EFCC1: variants seen among roughly 807,000 people sequenced by gnomAD.
EFCC1 encodes the protein EF-hand and coiled-coil domain-containing protein 1.
EFCC1 carries 50 observed loss-of-function variants against 52.1 expected under a neutral mutation model. The ratio of observed to expected loss-of-function variants is 0.96; its 90% confidence interval spans 0.76 to 1.21. EFCC1 has a LOEUF of 1.21. Ranked by LOEUF, EFCC1 falls within the 50% of genes most tolerant of loss-of-function variation. The pLI, the probability that EFCC1 is intolerant of heterozygous loss-of-function variation, is 0.00. For missense variants in EFCC1, 837 were observed against 867.3 expected, an observed-to-expected ratio of 0.97 and a Z score of 0.44; for synonymous variants, 399 against 396.5, an observed-to-expected ratio of 1.01 and a Z score of -0.08.
chr3:129,008,598 C>T (rs759176533), intron 2 of EFCC1, among the ~76,000 whole-genome samples: 1 of 152,078 alleles, frequency 6.6e-6, no homozygotes, highest in African/African-American at 2.4e-5. Flanking sequence ...GTGGACCAAT[C>T]CCCGTGCCAC....
chr3:129,033,437 C>A (rs534035577), intron 4 of EFCC1, among the ~76,000 whole-genome samples: 2 of 152,314 alleles, frequency 1.3e-5, no homozygotes, highest in East Asian at 3.9e-4. Context: ...GAACCTCAGT[C>A]TTCTTGTCTC....
rs1250042119 is a variant in EFCC1, at chr3:129,001,648, G to T, written c.20G>T (p.Gly7Val). 7.2e-7 allele frequency: 1 copy of T among 1,391,774 alleles called. No individual in the cohort carries two copies. The highest frequency in any genetic ancestry group is 9.3e-7 in the Non-Finnish European group (1 of 1,076,750). 86.2% of individuals were successfully genotyped at this position (1,391,774 alleles called of 1,614,324 possible). Residue 7 changes from glycine to valine, a missense_variant, in exon 1 of 8, where the codon GGC becomes GTC. Coordinates refer to ENST00000683648, the MANE Select transcript of EFCC1 (RefSeq NM_001377500.1). MEPVST[G>V]AEAGMEGAGG... ...GCAGCGATGGAGCCGGTCAGCACGGGCGCGGAGGCCGGCATGGAGGGCGCG... is the reference window on the plus strand; with the variant it reads ...GCAGCGATGGAGCCGGTCAGCACGGTCGCGGAGGCCGGCATGGAGGGCGCG...
chr3:129,018,191 A>G (rs1945672992), intron 2 of EFCC1, among the ~76,000 whole-genome samples: 1 of 152,198 alleles, frequency 6.6e-6, no homozygotes, highest in Admixed American at 6.5e-5. Flanking sequence ...ATGAGACCTC[A>G]GTTCTCCAGG....
At chr3:129,015,020 G>A (rs1945507823) in intron 2 of EFCC1, among the ~76,000 whole-genome samples, 1 of 152,112 alleles carries the variant, frequency 6.6e-6, no homozygotes, top group Non-Finnish European at 1.5e-5. Flanking sequence ...CTAGCCTCCT[G>A]ACTGGTGTCC....
chr3:129,010,304 G>A lies in EFCC1; in HGVS notation c.980+6227G>A, dbSNP rs1945262623. Reference sequence around the variant, plus strand: ...CCCTACCCTGCTCTGAAGCCAAGGAGCAGCTGAGTCCCCTTGATGGGGCCT... The same window carrying A: ...CCCTACCCTGCTCTGAAGCCAAGGAACAGCTGAGTCCCCTTGATGGGGCCT... On this transcript the variant is annotated intron_variant, in intron 2 of 7. Transcript: ENST00000683648. The surrounding 1 kb of genome is among the most constrained non-coding windows in gnomAD (Gnocchi z 4.3). Among the ~76,000 whole-genome samples the A allele has an allele frequency of 6.6e-6, 1 of 152,162 alleles. No homozygotes were observed.
At position 129,039,896 on chromosome 3, in the gene EFCC1, G is replaced by A; in HGVS notation, c.*48G>A. ...CACCCTGCTCAGCCTGACTGCCTTTGGACCAGCCTCCATGATCAGCCCAAC... is the reference window on the plus strand; with the variant it reads ...CACCCTGCTCAGCCTGACTGCCTTTAGACCAGCCTCCATGATCAGCCCAAC... On this transcript the variant is annotated 3_prime_UTR_variant, in exon 8 of 8. Coordinates refer to ENST00000683648, the MANE Select transcript of EFCC1 (RefSeq NM_001377500.1). The A allele has an allele frequency of 6.5e-7, 1 of 1,545,162 alleles. No individual in the cohort carries two copies. The highest frequency in any genetic ancestry group is 1.2e-5 in the South Asian group (1 of 82,568).
rs755150706 is a variant in EFCC1 at position 129,003,991 on chromosome 3, C to A, written c.894C>A (p.Arg298=). ...ARQVVLRSLH[R]VRELEALAQQ... is the part of the protein sequence containing the mutation. ...AGGTGGTGCTGCGCAGCCTGCACCG[C>A]GTGCGAGAGCTGGAGGCGCTGGCGC... Residue 298 remains arginine (R), a synonymous_variant, in exon 2 of 8, where the codon CGC becomes CGA. Transcript: ENST00000683648. 1 of 1,500,410 alleles carries A rather than the reference C, an allele frequency of 6.7e-7. No individual in the cohort carries two copies. Among genetic ancestry groups the A allele is most frequent in the South Asian group, 1.2e-5 (1 of 81,912 alleles). The allele number at this position is 1,500,410 out of a possible 1,614,324, so 92.9% of individuals were successfully genotyped here.
Position 129,040,004 on chromosome 3 carries a change from A to G in EFCC1, c.*156A>G. ...CTTCCAAGGTTAAGCCCGAGCCCAG[A>G]GCCTCCCATTGCAGCACCTGGCAGC... On this transcript the variant is annotated 3_prime_UTR_variant, in exon 8 of 8. Transcript: ENST00000683648. This position sits in a 1 kb window ranked among gnomAD's most constrained non-coding sequence, Gnocchi z 4.4. The G allele has an allele frequency of 9.7e-7, 1 of 1,031,288 alleles. No homozygotes were observed. The highest frequency in any genetic ancestry group is 1.3e-6 in the Non-Finnish European group (1 of 762,378). The allele number at this position is 1,031,288 out of a possible 1,614,324, so 63.9% of individuals were successfully genotyped here. A position where few individuals can be genotyped will look rare whatever the true frequency, so the allele number is the denominator to read the frequency against.
At chr3:129,035,004 T>G (rs1172315363) in intron 5 of EFCC1, among the ~76,000 whole-genome samples, 1 of 151,944 alleles carries the variant, frequency 6.6e-6, no homozygotes, top group Non-Finnish European at 1.5e-5. Flanking sequence ...ATACGACCAC[T>G]TCGCATTTCT....
At chr3:129,026,682 CTT>C (rs1946120016) in intron 2 of EFCC1, among the ~76,000 whole-genome samples, 1 of 152,190 alleles carries the variant, frequency 6.6e-6, no homozygotes, top group Non-Finnish European at 1.5e-5. Context: ...AGACAGTGAC[CTT>C]ATTCCCTTGT....
At chr3:129,012,299 C>A (rs1157276591) in intron 2 of EFCC1, among the ~76,000 whole-genome samples, 1 of 152,198 alleles carries the variant, frequency 6.6e-6, no homozygotes, top group African/African-American at 2.4e-5. Context: ...TGATGCCTGG[C>A]ACATAATAAG....
chr3:129,015,735 C>G (rs983178473), intron 2 of EFCC1, among the ~76,000 whole-genome samples: 5 of 152,012 alleles, frequency 3.3e-5, no homozygotes, highest in African/African-American at 7.2e-5. Flanking sequence ...ACTGTCCCCC[C>G]ACCCCTTGTG....
At position 129,034,207 on chromosome 3, in the gene EFCC1, CA is replaced by C; in HGVS notation, c.1331del (p.His444ProfsTer25). 1 of 1,614,232 alleles carries C rather than the reference CA, an allele frequency of 6.2e-7. No homozygotes were observed. The highest frequency in any genetic ancestry group is 8.5e-7 in the Non-Finnish European group (1 of 1,180,048). ...TAEKLMTYFG[H>X]FGGANHAHTL... ...GGAGAAGCTCATGACTTACTTTGGT[CA>C]CTTCGGCGGTGCCAACCATGCCCAT... On this transcript the variant is annotated frameshift_variant, in exon 5 of 8. Transcript: ENST00000683648. LOFTEE classifies it high-confidence loss of function.
Position 129,039,746 on chromosome 3 carries a change from C to A in EFCC1, c.1698C>A (p.Ala566=), listed in dbSNP as rs1946400718. 6.2e-7 allele frequency: 1 copy of A among 1,611,488 alleles called. No individual in the cohort carries two copies. The highest frequency in any genetic ancestry group is 1.1e-5 in the South Asian group (1 of 90,774). The change falls in exon 8 of 8, where the codon GCC becomes GCA. Residue 566 remains alanine (A), a synonymous_variant. Coordinates refer to ENST00000683648, the MANE Select transcript of EFCC1 (RefSeq NM_001377500.1). The stretch of plus-strand genomic sequence containing the variant: ...CCAGCCCTGCAGCCATCCTGGATGC[C>A]CTGCACCAAGCCTTGGCTGCCTGCC... ...GRPSPAAILD[A]LHQALAACQL...
At chr3:129,018,806 G>A (rs1028089104) in intron 2 of EFCC1, among the ~76,000 whole-genome samples, 1 of 152,174 alleles carries the variant, frequency 6.6e-6, no homozygotes, top group Non-Finnish European at 1.5e-5. Context: ...AGTCTTTCGG[G>A]TCTGTTTGCA....
chr3:129,024,760 G>A (rs1227102740), intron 2 of EFCC1, among the ~76,000 whole-genome samples: 2 of 151,820 alleles, frequency 1.3e-5, no homozygotes, highest in South Asian at 2.1e-4. Flanking sequence ...GAGCTCTCAT[G>A]GCCTGATCAC....
rs1944927129 is a variant in EFCC1 at position 129,003,881 on chromosome 3, G to A, written c.784G>A (p.Gly262Ser). 5 of 1,403,788 alleles carry A rather than the reference G, an allele frequency of 3.6e-6. No individual in the cohort carries two copies. The highest frequency in any genetic ancestry group is 2.5e-4 in the Middle Eastern group (1 of 4,062). The allele number at this position is 1,403,788 out of a possible 1,614,324, so 87.0% of individuals were successfully genotyped here. A position where few individuals can be genotyped will look rare whatever the true frequency, so the allele number is the denominator to read the frequency against. Residue 262 changes from glycine (G) to serine (S), a missense_variant, in exon 2 of 8, where the codon GGC becomes AGC. By Grantham distance (56) the Gly-to-Ser change is moderately conservative. Transcript: ENST00000683648. ...AAVRELRQAQ[G>S]ALAAAEARAG... The stretch of plus-strand genomic sequence containing the variant: ...GGTGCGGGAGCTGCGTCAGGCGCAG[G>A]GCGCCCTGGCTGCGGCGGAGGCCCG...
chr3:129,021,800 G>GT (rs1400057283), intron 2 of EFCC1, among the ~76,000 whole-genome samples: 2 of 152,114 alleles, frequency 1.3e-5, no homozygotes, highest in Non-Finnish European at 2.9e-5. Context: ...TTCATTGTTT[G>GT]TGAGTATTTA....
chr3:129,016,224 A>G (rs1418649396), intron 2 of EFCC1, among the ~76,000 whole-genome samples: 4 of 152,122 alleles, frequency 2.6e-5, no homozygotes, highest in African/African-American at 9.7e-5. Context: ...TATTCTGCAT[A>G]TGGATTAAAG....
Sources: gnomAD v4.1 joint callset for allele counts (sites outside exome capture counted in the v4.1 genomes callset) on GRCh38, gnomAD v4.1.1 for gene constraint, Gnocchi (gnomAD v3.1) non-coding constraint, MANE v1.5 for transcripts, NCBI Gene and HGNC (gene_info 2026-07-23, HGNC 2026-07-21) for gene names.